XIRP2: variants seen among roughly 807,000 people sequenced by gnomAD.
XIRP2 encodes the protein xin actin binding repeat containing 2, also known as xin actin-binding repeat-containing protein 2.
Under a neutral mutation model 277.0 loss-of-function variants are expected in XIRP2, and 236 were observed. The ratio of observed to expected loss-of-function variants is 0.85; its 90% CI spans 0.77 to 0.95. XIRP2 has a LOEUF of 0.95. XIRP2 is among the 40% of genes least tolerant of loss of function. XIRP2 has a pLI of 0.00. For synonymous variants in XIRP2, 1,490 were observed against 1,416.5 expected, an observed-to-expected ratio of 1.05 and a Z score of -1.17; for missense variants, 4,640 against 4,157.5, an observed-to-expected ratio of 1.12 and a Z score of -3.19.
At chr2:167,109,718 A>C (rs1690702842) in intron 2 of XIRP2, among the ~76,000 whole-genome samples, 1 of 152,138 alleles carries the variant, frequency 6.6e-6, no homozygotes, top group African/African-American at 2.4e-5. Context: ...TCCTTTGGGT[A>C]TATACCTAAT....
intron 2 of XIRP2, among the ~76,000 whole-genome samples, chr2:167,123,389 C>A (rs1419461163): frequency 6.6e-6 from 1 of 152,110 alleles, no homozygotes; most frequent in Non-Finnish European, 1.5e-5. Context: ...TATATAAATG[C>A]CCAGTTATAA....
chr2:166,918,179 G>C (rs951798332), intron 2 of XIRP2, among the ~76,000 whole-genome samples: 6 of 152,184 alleles, frequency 3.9e-5, no homozygotes, highest in Admixed American at 1.3e-4. Context: ...GTTTTCCACA[G>C]TAAATGGAAG....
Position 166,903,825 on chromosome 2 carries a change from G to A in XIRP2, c.343G>A (p.Asp115Asn), listed in dbSNP as rs1249339728. The A allele has an allele frequency of 6.2e-7, 1 of 1,613,656 alleles. No homozygotes were observed. Among genetic ancestry groups the A allele is most frequent in the East Asian group, 2.2e-5 (1 of 44,826 alleles). ...RRIERFSIAL[D>N]ELRSVFEAPK... ...GATTGAACGCTTTTCCATTGCCCTTGATGAGCTGAGGAGTGTGTTTGAGGC... is the reference window on the plus strand; with the variant it reads ...GATTGAACGCTTTTCCATTGCCCTTAATGAGCTGAGGAGTGTGTTTGAGGC... The change falls in exon 2 of 11, where the codon GAT becomes AAT. Residue 115 changes from aspartate to asparagine, a missense_variant. By Grantham distance (23) the Asp-to-Asn change is conservative. Coordinates refer to ENST00000409195, the MANE Select transcript of XIRP2 (RefSeq NM_152381.6).
intron 2 of XIRP2, among the ~76,000 whole-genome samples, chr2:166,943,188 C>G (rs1234286754): frequency 1.1e-4 from 16 of 152,172 alleles, no homozygotes; most frequent in Non-Finnish European, 1.5e-5. Context: ...AACTATAAAT[C>G]ATTATCATAG....
chr2:166,943,751 T>G (rs969939172), intron 2 of XIRP2, among the ~76,000 whole-genome samples: 99 of 152,332 alleles, frequency 6.5e-4, no homozygotes, highest in African/African-American at 2.2e-3. Context: ...TTTTTGAAAA[T>G]CTTTCATTGA....
chr2:167,046,824 T>C (rs1688798917), intron 2 of XIRP2, among the ~76,000 whole-genome samples: 1 of 151,826 alleles, frequency 6.6e-6, no homozygotes, highest in African/African-American at 2.4e-5. Flanking sequence ...CTCTTAGTGC[T>C]GAGCTCACTA....
At chr2:166,986,679 A>G (rs1426010496) in intron 2 of XIRP2, among the ~76,000 whole-genome samples, 1 of 152,264 alleles carries the variant, frequency 6.6e-6, no homozygotes. Flanking sequence ...CTGAATGTGA[A>G]TGTATAACAC....
intron 2 of XIRP2, among the ~76,000 whole-genome samples, chr2:167,009,364 T>C (rs1444764767): frequency 6.6e-6 from 1 of 151,876 alleles, no homozygotes; most frequent in African/African-American, 2.4e-5. Flanking sequence ...GCTTTCCAAT[T>C]TCATCCATGT....
At chr2:167,201,287 AGGAG>A (rs1329901687) in intron 3 of XIRP2, among the ~76,000 whole-genome samples, 11 of 148,828 alleles carry the variant, frequency 7.4e-5, no homozygotes, top group African/African-American at 1.5e-4. Context: ...GAAAGAAGGA[AGGAG>A]GGAGGGAGGG....
At chr2:166,903,917 T>C in intron 2 of XIRP2, 27 bp downstream of exon 2, 3 of 1,588,622 alleles carry the variant, frequency 1.9e-6, no homozygotes, top group Non-Finnish European at 2.6e-6. Flanking sequence ...TGAGAGTCTA[T>C]GTTTACATAT....
chr2:167,247,553 A>T lies in XIRP2; in HGVS notation c.6161A>T (p.Asn2054Ile). 1 of 1,613,704 alleles carries T rather than the reference A, an allele frequency of 6.2e-7. No individual in the cohort carries two copies. The highest frequency in any genetic ancestry group is 1.1e-5 in the South Asian group (1 of 91,074). ...CTATCTAATTCACACCATAAATCTAATGTTTTGGAATCAGGAGACAAAACG... is the reference window on the plus strand; with the variant it reads ...CTATCTAATTCACACCATAAATCTATTGTTTTGGAATCAGGAGACAAAACG... ...RRLSNSHHKS[N>I]VLESGDKTGV... The change falls in exon 9 of 11, where the codon AAT becomes ATT. Residue 2054 changes from asparagine to isoleucine, a missense_variant. Transcript: ENST00000409195.
At chr2:166,999,952 T>C (rs997618321) in intron 2 of XIRP2, among the ~76,000 whole-genome samples, 2 of 152,124 alleles carry the variant, frequency 1.3e-5, no homozygotes, top group South Asian at 4.1e-4. Context: ...AGAACTCAAG[T>C]AGAGGTAAAA....
intron 2 of XIRP2, among the ~76,000 whole-genome samples, chr2:166,966,916 G>A (rs1686447707): frequency 6.6e-6 from 1 of 151,992 alleles, no homozygotes; most frequent in Admixed American, 6.6e-5. Flanking sequence ...TTAGAACCCT[G>A]TTGGAATTTC....
chr2:166,892,392 T>C (rs1459140102), intron 1 of XIRP2, among the ~76,000 whole-genome samples: 1 of 151,980 alleles, frequency 6.6e-6, no homozygotes, highest in Non-Finnish European at 1.5e-5. Context: ...ACAGAAACAA[T>C]GGGAATGAAA....
At chr2:166,998,478 A>G (rs1687282289) in intron 2 of XIRP2, among the ~76,000 whole-genome samples, 1 of 152,056 alleles carries the variant, frequency 6.6e-6, no homozygotes, top group East Asian at 1.9e-4. Flanking sequence ...TCTACTAAAA[A>G]TACAAAAAAT....
intron 2 of XIRP2, among the ~76,000 whole-genome samples, chr2:166,940,478 G>T (rs931675242): frequency 2.0e-5 from 3 of 152,170 alleles, no homozygotes; most frequent in Non-Finnish European, 4.4e-5. Flanking sequence ...GCTTTGTTCT[G>T]TTGCTGGCGA....
At chr2:167,185,602 A>G (rs1364628579) in intron 3 of XIRP2, among the ~76,000 whole-genome samples, 1 of 152,076 alleles carries the variant, frequency 6.6e-6, no homozygotes, top group Non-Finnish European at 1.5e-5. Flanking sequence ...ACCTTTAAAA[A>G]GAGTAAAATC....
At chr2:167,218,348 C>G (rs1694321359) in intron 5 of XIRP2, 48 bp downstream of exon 5, 2 of 1,350,826 alleles carry the variant, frequency 1.5e-6, no homozygotes, top group Non-Finnish European at 1.9e-6. Flanking sequence ...TTGAAATGCT[C>G]TCATTTTGGT....
chr2:167,083,085 A>G (rs375359267), intron 2 of XIRP2, among the ~76,000 whole-genome samples: 71 of 152,280 alleles, frequency 4.7e-4, no homozygotes, highest in African/African-American at 1.6e-3. Context: ...TAGGTCTAAC[A>G]TTTAAGTCTT....
Sources: gnomAD v4.1 joint callset for allele counts (sites outside exome capture counted in the v4.1 genomes callset) on GRCh38, gnomAD v4.1.1 for gene constraint, MANE v1.5 for transcripts, NCBI Gene and HGNC (gene_info 2026-07-23, HGNC 2026-07-21) for gene names.